The following MPP7 variants were observed in gnomAD, a reference collection of about 807,000 sequenced individuals.
MPP7 encodes MAGUK p55 scaffold protein 7, also known as MAGUK p55 subfamily member 7.
Under a neutral mutation model 76.5 loss-of-function variants are expected in MPP7, and 60 were observed. The observed-to-expected ratio is 0.78, with a 90% CI of 0.64 to 0.97. MPP7 has a LOEUF of 0.97. Among genes scored for constraint, MPP7 ranks in the 50% least tolerant of loss-of-function variants. The pLI is 0.00. For synonymous variants in MPP7, 237 were observed against 244.5 expected (o/e 0.97, Z 0.29); for missense variants, 641 against 694.0 (o/e 0.92, Z 0.86).
intron 3 of MPP7, among the ~76,000 whole-genome samples, chr10:28,183,445 A>G (rs1195560574): frequency 6.6e-6 from 1 of 152,200 alleles, no homozygotes; most frequent in African/African-American, 2.4e-5. Flanking sequence ...ATTAATTTTC[A>G]CTGTAATTTT....
intron 11 of MPP7, among the ~76,000 whole-genome samples, chr10:28,094,946 C>T (rs911557793): frequency 6.6e-6 from 1 of 151,848 alleles, no homozygotes; most frequent in African/African-American, 2.4e-5. Flanking sequence ...CAGAGCAAGA[C>T]CTTATCTCTA....
At position 28,199,633 on chromosome 10, in the gene MPP7, C is replaced by T. The variant is rs1837703487; in HGVS notation, c.156+2520G>A. Reference sequence around the variant, plus strand: ...GCCCCCAAACTTTTTTTTTAAGAGACAGAGTCTCTGTCATCCAGACTGGAG... The same window carrying T: ...GCCCCCAAACTTTTTTTTTAAGAGATAGAGTCTCTGTCATCCAGACTGGAG... On this transcript the variant is annotated intron_variant, in intron 3 of 16. Coordinates refer to ENST00000683449, the MANE Select transcript of MPP7 (RefSeq NM_001318170.2). Among the ~76,000 whole-genome samples, 3 of 151,980 alleles carry T rather than the reference C, an allele frequency of 2.0e-5. No individual in the cohort carries two copies. The South Asian group carries it at 6.2e-4, about 32-fold the overall frequency.
At chr10:28,136,753 G>A (rs1588833456) in intron 5 of MPP7, among the ~76,000 whole-genome samples, 1 of 152,098 alleles carries the variant, frequency 6.6e-6, no homozygotes, top group Non-Finnish European at 1.5e-5. Context: ...TACTGCAGAA[G>A]GAAAAGTAAT....
At chr10:28,306,168 C>T (rs761523707), upstream of MPP7, among the ~76,000 whole-genome samples, 14 of 152,126 alleles carry the variant, frequency 9.2e-5, no homozygotes, top group Admixed American at 2.6e-4. Flanking sequence ...AGAGAAAGCA[C>T]CAGACATTAG....
chr10:28,129,932 C>T (rs1279166624), intron 6 of MPP7, among the ~76,000 whole-genome samples: 1 of 152,096 alleles, frequency 6.6e-6, no homozygotes. Flanking sequence ...AATTTAGGAT[C>T]GAAATCTACT....
intron 13 of MPP7, among the ~76,000 whole-genome samples, chr10:28,068,740 T>C (rs1293568390): frequency 6.6e-6 from 1 of 152,222 alleles, no homozygotes; most frequent in Non-Finnish European, 1.5e-5. Context: ...CAGCTCTCTG[T>C]GATTTGATTC....
At chr10:28,057,578 C>T (rs12244934) in intron 15 of MPP7, 1 of 380,864 alleles carries the variant, frequency 2.6e-6, no homozygotes. Context: ...CCTGTACAGT[C>T]TGCAGAGCAG....
Position 28,053,811 on chromosome 10 carries a change from G to T in MPP7, c.*254C>A, listed in dbSNP as rs12249305. ...TTCAGCCTCATCTTGGAGATAGAGC[G>T]GTATTGAAGACAACGAGAAGGTTTG... is the stretch of plus-strand genomic sequence containing the variant. On this transcript the variant is annotated 3_prime_UTR_variant, in exon 17 of 17. Transcript: ENST00000683449. 27,796 of 432,436 alleles carry T rather than the reference G, an allele frequency of 0.064. 3,372 individuals carry two copies. The highest frequency in any genetic ancestry group is 0.34 in the African/African-American group (16,451 of 48,396). 26.8% of individuals were successfully genotyped at this position (432,436 alleles called of 1,614,324 possible).
chr10:28,309,708 G>A (rs1841278405), intron 2 of MPP7, among the ~76,000 whole-genome samples: 1 of 152,168 alleles, frequency 6.6e-6, no homozygotes, highest in African/African-American at 2.4e-5. Context: ...CCCAGTGTTG[G>A]AGGTGGGGCC....
chr10:28,120,579 T>C lies in MPP7; in HGVS notation c.690+15A>G, dbSNP rs1834804008. 1.9e-6 allele frequency: 3 copies of C among 1,611,798 alleles called. No individual in the cohort carries two copies. Among genetic ancestry groups the C allele is most frequent in the Non-Finnish European group, 2.5e-6 (3 of 1,178,146 alleles). On this transcript the variant is annotated intron_variant, in intron 9 of 16. Transcript: ENST00000683449. ...CCCTCCCACGCACGAAGAAATGTTTTTAAGCAATAATTACCTTGCCTTCTT... is the reference window on the plus strand; with the variant it reads ...CCCTCCCACGCACGAAGAAATGTTTCTAAGCAATAATTACCTTGCCTTCTT...
chr10:28,276,122 C>G (rs866810381), intron 1 of MPP7, among the ~76,000 whole-genome samples: 1 of 151,344 alleles, frequency 6.6e-6, no homozygotes, highest in Non-Finnish European at 1.5e-5. Flanking sequence ...ACTCCACCTC[C>G]CGGGTTCAAG....
chr10:28,083,998 T>C (rs1852887988), intron 12 of MPP7, among the ~76,000 whole-genome samples: 1 of 152,186 alleles, frequency 6.6e-6, no homozygotes, highest in East Asian at 1.9e-4. Context: ...ATACCAGCAA[T>C]TGCTCCAAAA....
At chr10:28,283,165 C>T (rs1291554000) in intron 1 of MPP7, among the ~76,000 whole-genome samples, 2 of 151,594 alleles carry the variant, frequency 1.3e-5, no homozygotes, top group African/African-American at 4.9e-5. Flanking sequence ...TGTGAAGGAG[C>T]CAAAGAAAGA....
chr10:28,309,697 C>G (rs1240327797), intron 2 of MPP7, among the ~76,000 whole-genome samples: 1 of 152,144 alleles, frequency 6.6e-6, no homozygotes, highest in African/African-American at 2.4e-5. Flanking sequence ...GAATTGTGGT[C>G]CCCAGTGTTG....
chr10:28,263,463 C>T (rs1840053933), intron 1 of MPP7, among the ~76,000 whole-genome samples: 1 of 152,236 alleles, frequency 6.6e-6, no homozygotes, highest in Non-Finnish European at 1.5e-5. Flanking sequence ...TGATCCACCA[C>T]TGCCAGTTGG....
intron 11 of MPP7, among the ~76,000 whole-genome samples, chr10:28,094,760 C>T (rs1413708092): frequency 2.0e-5 from 3 of 151,966 alleles, no homozygotes; most frequent in Non-Finnish European, 4.4e-5. Context: ...ATTGTAGATG[C>T]CTAAAGTACC....
intron 3 of MPP7, among the ~76,000 whole-genome samples, chr10:28,176,344 A>G (rs1836858986): frequency 6.9e-6 from 1 of 143,976 alleles, no homozygotes; most frequent in Non-Finnish European, 1.5e-5. Flanking sequence ...TGGGTCAAAA[A>G]CAAAACAAAA....
rs145187446 is a variant in MPP7 at position 28,051,305 on chromosome 10, T to C, written c.*2760A>G. On this transcript the variant is annotated 3_prime_UTR_variant, in exon 17 of 17. Coordinates refer to ENST00000683449, the MANE Select transcript of MPP7 (RefSeq NM_001318170.2). ...CATAGTTTTGTAAGTCTGAGAAGGT[T>C]ATGTTTGTCAGTTTCAAATTATTAC... The C allele has an allele frequency of 3.8e-4, 58 of 152,338 alleles. No homozygotes were observed. The highest frequency in any genetic ancestry group is 1.3e-3 in the African/African-American group (53 of 41,590). 9.4% of individuals were successfully genotyped at this position (152,338 alleles called of 1,614,324 possible).
At chr10:28,081,151 T>C (rs1852741432) in intron 12 of MPP7, among the ~76,000 whole-genome samples, 1 of 152,214 alleles carries the variant, frequency 6.6e-6, no homozygotes, top group South Asian at 2.1e-4. Flanking sequence ...AAAGATTTAT[T>C]ATTAGTTTCT....
Sources: allele counts gnomAD v4.1 joint callset (sites outside exome capture counted in the v4.1 genomes callset), GRCh38; gene constraint gnomAD v4.1.1; transcripts MANE v1.5; gene names NCBI Gene and HGNC (gene_info 2026-07-23, HGNC 2026-07-21).